Variants in GZMB observed in about 807,000 individuals in gnomAD.
GZMB encodes T-cell serine protease 1-3E.
GZMB carries 27 observed loss-of-function variants against 24.2 expected under a neutral mutation model. That is an observed-to-expected ratio of 1.12 (90% confidence interval 0.82 to 1.54). The LOEUF is 1.54. Among genes scored for constraint, GZMB ranks in the 40% most tolerant of loss-of-function variants. The pLI is 0.00. For synonymous variants in GZMB, 121 were observed against 115.1 expected, an observed-to-expected ratio of 1.05 and a Z score of -0.33; for missense variants, 336 against 310.1, an observed-to-expected ratio of 1.08 and a Z score of -0.63.
In GZMB at chr14:24,631,114, G is replaced by A. The variant is rs1323176023; in HGVS notation, c.701C>T (p.Ser234Leu). 3.7e-6 allele frequency: 6 copies of A among 1,613,556 alleles called. No homozygotes were observed. The East Asian group carries it at 1.1e-4, about 30-fold the overall frequency. ...GMPPRACTKVSSFVHWIKKTM... is the reference protein window; with the variant it reads ...GMPPRACTKVLSFVHWIKKTM... ...TTTCTTTATCCAGTGTACAAAGCTT[G>A]AGACTTTGGTGCAGGCTCGTGGAGG... Residue 234 changes from serine to leucine, a missense_variant, in exon 5 of 5, where the codon TCA becomes TTA. Ser to Leu is a moderately radical substitution (Grantham distance 145). Transcript: ENST00000216341.
intron 3 of GZMB, 96 bp from the exon 4 acceptor site, chr14:24,632,214 C>A: frequency 2.7e-6 from 4 of 1,508,040 alleles, no homozygotes; most frequent in Non-Finnish European, 2.7e-6. Flanking sequence ...TCCTCTGAGG[C>A]ATAGGAACTA....
At position 24,632,383 on chromosome 14, in the gene GZMB, G is replaced by C. The variant is rs11539752; in HGVS notation, c.280C>G (p.Pro94Ala). 0.23 allele frequency: 348,643 copies of C among 1,542,766 alleles called. 46,906 individuals carry two copies. Among genetic ancestry groups the C allele is most frequent in the African/African-American group, 0.35 (25,426 of 72,558 alleles). ...PTQQFIPVKR[P>A]IPHPAYNPKN... ...GGATTATAGGCTGGATGGGGGATGG[G>C]TCTTTTCACAGGGATAAACTGCTGG... Residue 94 changes from proline to alanine, a missense_variant, in exon 3 of 5, where the codon CCC (proline) becomes GCC (alanine). Pro to Ala is a conservative substitution (Grantham distance 27). Transcript: ENST00000216341.
At chr14:24,633,119 T>A in intron 1 of GZMB, 57 bp from the exon 2 acceptor site, 3 of 1,534,090 alleles carry the variant, frequency 2.0e-6, no homozygotes, top group Non-Finnish European at 2.6e-6. Flanking sequence ...GGTGGGCACC[T>A]GCTTAGTGGC....
At chr14:24,634,031 G>T in intron 1 of GZMB, 75 bp downstream of exon 1, 1 of 1,249,068 alleles carries the variant, frequency 8.0e-7, no homozygotes, top group Non-Finnish European at 1.2e-6. Flanking sequence ...TAGATAGATG[G>T]ATCAGGAATG....
chr14:24,633,880 G>T (rs1047694717), intron 1 of GZMB: 3 of 622,616 alleles, frequency 4.8e-6, no homozygotes, highest in Non-Finnish European at 5.8e-6. Flanking sequence ...AGGTGACAAA[G>T]GTGGGCTCTG....
chr14:24,632,204 T>C, intron 3 of GZMB, 86 bp from the exon 4 acceptor site: 2 of 1,529,570 alleles, frequency 1.3e-6, no homozygotes, highest in Non-Finnish European at 1.8e-6. Context: ...ATCTTCCCTC[T>C]CCTCTGAGGC....
In GZMB at chr14:24,632,997, A is replaced by G. The variant is rs1314105202; in HGVS notation, c.121T>C (p.Trp41Arg). 1 of 1,613,676 alleles carries G rather than the reference A, an allele frequency of 6.2e-7. No individual in the cohort carries two copies. Among genetic ancestry groups the G allele is most frequent in the East Asian group, 2.2e-5 (1 of 44,862 alleles). ...SRPYMAYLMI[W>R]DQKSLKRCGG... The stretch of plus-strand genomic sequence containing the variant: ...CACCTCTTCAGAGACTTCTGATCCC[A>G]GATCATAAGATAAGCCATGTAGGGG... The change falls in exon 2 of 5, where the codon TGG becomes CGG. Residue 41 changes from tryptophan (W) to arginine (R), a missense_variant. By Grantham distance (101) the Trp-to-Arg change is moderately radical. Coordinates refer to ENST00000216341, the MANE Select transcript of GZMB (RefSeq NM_004131.6).
At position 24,631,911 on chromosome 14, in the gene GZMB, T is replaced by C; in HGVS notation, c.547A>G (p.Ser183Gly). 1 of 1,613,958 alleles carries C rather than the reference T, an allele frequency of 6.2e-7. No homozygotes were observed. The change falls in exon 4 of 5, where the codon AGT becomes GGT. Residue 183 changes from serine to glycine, a missense_variant. Physicochemically the swap from Ser to Gly is moderately conservative, Grantham distance 56. Coordinates refer to ENST00000216341, the MANE Select transcript of GZMB (RefSeq NM_004131.6). ...TCCCCCACGCACAACTCAATGGTAC[T>C]GTCGTAATAATGGCGTAAGTCAGAT... ...CESDLRHYYD[S>G]TIELCVGDPE...
At chr14:24,633,521 G>A (rs1174578932) in intron 1 of GZMB, among the ~76,000 whole-genome samples, 2 of 152,158 alleles carry the variant, frequency 1.3e-5, no homozygotes, top group African/African-American at 4.8e-5. Context: ...GCTCCAGTTA[G>A]CCTCTGGATG....
chr14:24,632,428 T>C lies in GZMB; in HGVS notation c.235A>G (p.Ile79Val), dbSNP rs1365252074. The C allele has an allele frequency of 4.3e-6, 7 of 1,612,548 alleles. No individual in the cohort carries two copies. Among genetic ancestry groups the C allele is most frequent in the Middle Eastern group, 1.7e-4 (1 of 6,034 alleles). ...SINVTLGAHN[I>V]KEQEPTQQFI... The stretch of plus-strand genomic sequence containing the variant: ...TGCTGGGTCGGCTCCTGTTCTTTGA[T>C]ATTGTGGGCCCCCAAGGTGACATTT... The change falls in exon 3 of 5, where the codon ATC becomes GTC. Residue 79 changes from isoleucine to valine, a missense_variant. Ile to Val is a conservative substitution (Grantham distance 29). Coordinates refer to ENST00000216341, the MANE Select transcript of GZMB (RefSeq NM_004131.6).
intron 4 of GZMB, 67 bp downstream of exon 4, chr14:24,631,791 C>T (rs766712155): frequency 7.4e-7 from 1 of 1,344,078 alleles, no homozygotes; most frequent in South Asian, 1.2e-5. Flanking sequence ...ACTTGAGTCT[C>T]CAGGTCTCAG....
chr14:24,632,891 T>A, intron 2 of GZMB, 24 bp downstream of exon 2: 1 of 1,602,512 alleles, frequency 6.2e-7, no homozygotes, highest in Non-Finnish European at 8.5e-7. Context: ...TCCAGGAGGG[T>A]GTGGGCTGTT....
intron 2 of GZMB, 121 bp downstream of exon 2, chr14:24,632,794 C>T (rs979429240): frequency 7.5e-6 from 8 of 1,063,836 alleles, no homozygotes; most frequent in Admixed American, 3.9e-5. Context: ...GCCCTTTTCT[C>T]ACCCTCTAAG....
In GZMB at chr14:24,632,033, C is replaced by T. The variant is rs772114618; in HGVS notation, c.425G>A (p.Cys142Tyr). 1 of 1,614,228 alleles carries T rather than the reference C, an allele frequency of 6.2e-7. No individual in the cohort carries two copies. The highest frequency in any genetic ancestry group is 1.1e-5 in the South Asian group (1 of 91,088). The change falls in exon 4 of 5, where the codon TGC becomes TAC. Residue 142 changes from cysteine (C) to tyrosine (Y), a missense_variant. Transcript: ENST00000216341. ...CGTCTGCCCCCAGCCGGCCACACTG[C>T]ATGTCTGCCCTGGCTTCACCTGGGC... ...NKAQVKPGQTCSVAGWGQTAP... is the reference protein window; with the variant it reads ...NKAQVKPGQTYSVAGWGQTAP...
Position 24,630,994 on chromosome 14 carries a change from C to T in GZMB, c.*77G>A. 9.0e-7 allele frequency: 1 copy of T among 1,109,206 alleles called. No individual in the cohort carries two copies. The highest frequency in any genetic ancestry group is 1.3e-5 in the South Asian group (1 of 76,772). The allele number at this position is 1,109,206 out of a possible 1,614,324, so 68.7% of individuals were successfully genotyped here. ...AGAGGTATTTATTCAGTTGCTGGCA[C>T]CTCTCCCAGTGTAAATCTGGACTTG... On this transcript the variant is annotated 3_prime_UTR_variant, in exon 5 of 5. Transcript: ENST00000216341.
chr14:24,631,819 T>C, intron 4 of GZMB, 39 bp downstream of exon 4: 1 of 1,587,526 alleles, frequency 6.3e-7, no homozygotes, highest in South Asian at 1.1e-5. Flanking sequence ...CCAAACATCT[T>C]TCTCCCAAGA....
At position 24,632,309 on chromosome 14, in the gene GZMB, A is replaced by G. The variant is rs771032663; in HGVS notation, c.339+15T>C. 1.9e-6 allele frequency: 3 copies of G among 1,600,236 alleles called. No homozygotes were observed. The South Asian group carries it at 3.3e-5, about 18-fold the overall frequency. ...CTGGACCAAGAAGAGCAAGAGTGGC[A>G]GGAGTGTGCCTCACCTGCAGTAGCA... On this transcript the variant is annotated intron_variant, in intron 3 of 4. Coordinates refer to ENST00000216341, the MANE Select transcript of GZMB (RefSeq NM_004131.6).
At chr14:24,634,079 C>T (rs368453859) in intron 1 of GZMB, 27 bp downstream of exon 1, 16 of 1,574,372 alleles carry the variant, frequency 1.0e-5, no homozygotes, top group Non-Finnish European at 1.4e-5. Flanking sequence ...TGGGGTTGGG[C>T]CCCCGAGGGT....
chr14:24,631,461 C>T (rs1044043752), intron 4 of GZMB: 21 of 556,892 alleles, frequency 3.8e-5, no homozygotes, highest in Non-Finnish European at 4.5e-5. Context: ...TATGTGGGAC[C>T]GTTGGCTGTT....
Sources: allele counts gnomAD v4.1 joint callset (sites outside exome capture counted in the v4.1 genomes callset), GRCh38; gene constraint gnomAD v4.1.1; transcripts MANE v1.5; gene names NCBI Gene and HGNC (gene_info 2026-07-23, HGNC 2026-07-21).